SNRK: variants seen among roughly 807,000 people sequenced by gnomAD.
SNRK encodes the protein SNF-related serine/threonine-protein kinase.
In SNRK, 3 loss-of-function variants were observed where a neutral mutation model predicts 48.2. The ratio of observed to expected loss-of-function variants is 0.06; its 90% CI spans 0.03 to 0.16. The LOEUF (loss-of-function observed/expected upper bound fraction) is 0.16. Ranked by LOEUF, SNRK falls within the 10% of genes least tolerant of loss-of-function variation. The pLI is 1.00. For missense variants in SNRK, 627 were observed against 976.0 expected (o/e 0.64, Z 4.76); for synonymous variants, 376 against 366.1 (o/e 1.03, Z -0.31).
chr3:43,332,624 A>T (rs1341019362), intron 4 of SNRK: 1 of 184,326 alleles, frequency 5.4e-6, no homozygotes. Flanking sequence ...TGAACTGAAG[A>T]AATACCATGG....
intron 3 of SNRK, among the ~76,000 whole-genome samples, chr3:43,319,489 C>T (rs1330439693): frequency 6.6e-6 from 1 of 152,038 alleles, no homozygotes; most frequent in African/African-American, 2.4e-5. Context: ...AAAAGAGGGG[C>T]TGTGGATGGC....
At chr3:43,342,994 C>G (rs1249131845) in intron 5 of SNRK, among the ~76,000 whole-genome samples, 2 of 152,202 alleles carry the variant, frequency 1.3e-5, no homozygotes, top group African/African-American at 4.8e-5. Context: ...AGTAAACCAC[C>G]TGAACAAATA....
At chr3:43,335,031 C>T (rs1380200481) in intron 4 of SNRK, among the ~76,000 whole-genome samples, 3 of 151,320 alleles carry the variant, frequency 2.0e-5, no homozygotes, top group Non-Finnish European at 2.9e-5. Context: ...TTTTATTAGT[C>T]TTTTTCTAAG....
intron 3 of SNRK, among the ~76,000 whole-genome samples, chr3:43,306,348 G>C (rs1183219133): frequency 6.6e-6 from 1 of 151,924 alleles, no homozygotes; most frequent in Non-Finnish European, 1.5e-5. Flanking sequence ...ATTAAAATCT[G>C]TCATTATATT....
At chr3:43,299,292 C>T (rs950633499) in intron 1 of SNRK, among the ~76,000 whole-genome samples, 2 of 152,186 alleles carry the variant, frequency 1.3e-5, no homozygotes, top group Non-Finnish European at 1.5e-5. Context: ...AGTCTCCTGC[C>T]TCAGTCTCCT....
intron 3 of SNRK, chr3:43,315,394 T>C (rs551099984): frequency 1.3e-5 from 2 of 152,364 alleles, no homozygotes; most frequent in East Asian, 3.9e-4. Flanking sequence ...TCATGTCCCA[T>C]TTTAAGTCAT....
At position 43,347,239 on chromosome 3, in the gene SNRK, G is replaced by T. The variant is rs2091283222; in HGVS notation, c.1080-100G>T. On this transcript the variant is annotated intron_variant, in intron 6 of 6. Transcript: ENST00000296088. The surrounding 1 kb of genome is among the most constrained non-coding windows in gnomAD (Gnocchi z 5.4). Reference sequence around the variant, plus strand: ...GCAAGGCTGCTGCTTTTTTCTTTAAGTCTGTAGATTTTGTCCCAGTAAGTT... The same window carrying T: ...GCAAGGCTGCTGCTTTTTTCTTTAATTCTGTAGATTTTGTCCCAGTAAGTT... 7.8e-7 allele frequency: 1 copy of T among 1,277,200 alleles called. No homozygotes were observed. Among genetic ancestry groups the T allele is most frequent in the Non-Finnish European group, 1.1e-6 (1 of 945,986 alleles). 79.1% of individuals were successfully genotyped at this position (1,277,200 alleles called of 1,614,324 possible). A position where few individuals can be genotyped will look rare whatever the true frequency, so the allele number is the denominator to read the frequency against.
rs887764879 is a variant in SNRK, at chr3:43,349,470, A to G, written c.*913A>G. The G allele has an allele frequency of 2.0e-5, 3 of 152,314 alleles. No homozygotes were observed. The highest frequency in any genetic ancestry group is 4.4e-5 in the Non-Finnish European group (3 of 68,036). 9.4% of individuals were successfully genotyped at this position (152,314 alleles called of 1,614,324 possible). On this transcript the variant is annotated 3_prime_UTR_variant, in exon 7 of 7. Transcript: ENST00000296088. Reference sequence around the variant, plus strand: ...CAAATGTTGGCAAAGTCAAAACCCCATGAATTAAAACCTACTGGAATTTGG... The same window carrying G: ...CAAATGTTGGCAAAGTCAAAACCCCGTGAATTAAAACCTACTGGAATTTGG...
intron 1 of SNRK, among the ~76,000 whole-genome samples, chr3:43,288,796 C>T (rs1386480269): frequency 6.6e-6 from 1 of 152,188 alleles, no homozygotes; most frequent in African/African-American, 2.4e-5. Context: ...AATGTAACTG[C>T]ATCCCAGCTG....
At chr3:43,308,464 G>A (rs1454828020) in intron 3 of SNRK, among the ~76,000 whole-genome samples, 1 of 152,190 alleles carries the variant, frequency 6.6e-6, no homozygotes, top group Admixed American at 6.5e-5. Flanking sequence ...GCCACTTAAA[G>A]TTGAAGCCAT....
intron 1 of SNRK, among the ~76,000 whole-genome samples, chr3:43,289,562 T>C (rs2090793842): frequency 1.3e-5 from 2 of 152,210 alleles, no homozygotes; most frequent in Admixed American, 6.5e-5. Flanking sequence ...TGTTGTCTGC[T>C]CTGGATAATC....
At chr3:43,317,771 G>C (rs2091024516) in intron 3 of SNRK, among the ~76,000 whole-genome samples, 2 of 152,122 alleles carry the variant, frequency 1.3e-5, no homozygotes, top group South Asian at 4.1e-4. Context: ...ACCCCTCAGT[G>C]AGGCCTCAGC....
intron 6 of SNRK, among the ~76,000 whole-genome samples, chr3:43,346,718 G>C (rs2091279095): frequency 6.6e-6 from 1 of 152,136 alleles, no homozygotes; most frequent in Admixed American, 6.5e-5. Context: ...ACTCCAGCCT[G>C]AATAACAAAG....
chr3:43,338,026 G>A (rs987577437), intron 4 of SNRK, among the ~76,000 whole-genome samples: 18 of 152,142 alleles, frequency 1.2e-4, no homozygotes, highest in East Asian at 1.9e-4. Context: ...CTGCGATGAC[G>A]GGTATGAGCC....
At chr3:43,344,469 T>G (rs1339326689) in intron 6 of SNRK, among the ~76,000 whole-genome samples, 2 of 152,164 alleles carry the variant, frequency 1.3e-5, no homozygotes, top group East Asian at 3.8e-4. Context: ...ATATTATGAT[T>G]GTAAAAGATT....
intron 2 of SNRK, among the ~76,000 whole-genome samples, chr3:43,302,661 TAAAG>T (rs1480096096): frequency 3.3e-5 from 5 of 151,898 alleles, no homozygotes; most frequent in Non-Finnish European, 4.4e-5. Context: ...TTTTTGCACT[TAAAG>T]GAAGTGGTGT....
Position 43,322,924 on chromosome 3 carries a change from C to T in SNRK, c.590-9245C>T, listed in dbSNP as rs191571180. On this transcript the variant is annotated intron_variant, in intron 3 of 6. Transcript: ENST00000296088. Reference sequence around the variant, plus strand: ...CCGAGACCGTGCCACTGCACTACAGCCTGCGCGACAGAGTAAGACTCCGTC... The same window carrying T: ...CCGAGACCGTGCCACTGCACTACAGTCTGCGCGACAGAGTAAGACTCCGTC... 2.4e-4 allele frequency among the ~76,000 whole-genome samples: 26 copies of T among 109,080 alleles called. No homozygotes were observed. In the East Asian group the frequency reaches 4.7e-3, roughly 20 times the overall value. The allele number at this position is 109,080 out of a possible 152,430, so 71.6% of individuals were successfully genotyped here. A position where few individuals can be genotyped will look rare whatever the true frequency, so the allele number is the denominator to read the frequency against.
At position 43,343,407 on chromosome 3, in the gene SNRK, C is replaced by T. The variant is rs1316934644; in HGVS notation, c.1008C>T (p.Ile336=). ...TATYFLLAER[I]LREKQEKEIQ... is the part of the protein sequence containing the mutation. ...CATACTTCCTGCTGGCTGAAAGGAT[C>T]CTGAGAGAAAAGCAAGAGAAAGAAA... The change falls in exon 6 of 7, where the codon ATC becomes ATT. Residue 336 remains isoleucine (I), a synonymous_variant. Transcript: ENST00000296088. The T allele has an allele frequency of 1.9e-6, 3 of 1,613,896 alleles. No individual in the cohort carries two copies. The African/African-American group carries it at 4.0e-5, about 22-fold the overall frequency.
At chr3:43,316,051 G>A (rs1224153710) in intron 3 of SNRK, among the ~76,000 whole-genome samples, 1 of 152,160 alleles carries the variant, frequency 6.6e-6, no homozygotes, top group Non-Finnish European at 1.5e-5. Context: ...AATTAGTAAA[G>A]ATTCTTGAGC....
Sources: allele counts gnomAD v4.1 joint callset (sites outside exome capture counted in the v4.1 genomes callset), GRCh38; gene constraint gnomAD v4.1.1; non-coding constraint Gnocchi (gnomAD v3.1); transcripts MANE v1.5; gene names NCBI Gene and HGNC (gene_info 2026-07-23, HGNC 2026-07-21).